The following ZNF500 variants were observed in gnomAD, a reference collection of about 807,000 sequenced individuals.
The protein encoded by ZNF500 is zinc finger protein with KRAB and SCAN domains 18.
ZNF500 carries 31 observed loss-of-function variants against 30.1 expected under a neutral mutation model. The observed-to-expected ratio is 1.03, with a 90% confidence interval of 0.77 to 1.39. ZNF500 has a LOEUF of 1.39. Among genes scored for constraint, ZNF500 ranks in the 40% most tolerant of loss-of-function variants. ZNF500 has a pLI of 0.00. For missense variants in ZNF500, 817 were observed against 657.8 expected (o/e 1.24, Z -2.65); for synonymous variants, 392 against 282.0 (o/e 1.39, Z -3.91).
rs1193047911 is a variant in ZNF500, at chr16:4,749,986, G to A, written c.*2390C>T. 1 of 152,540 alleles carries A rather than the reference G, an allele frequency of 6.6e-6. No individual in the cohort carries two copies. The highest frequency in any genetic ancestry group is 2.4e-5 in the African/African-American group (1 of 41,430). 9.4% of individuals were successfully genotyped at this position (152,540 alleles called of 1,614,324 possible). A position where few individuals can be genotyped will look rare whatever the true frequency, so the allele number is the denominator to read the frequency against. On this transcript the variant is annotated 3_prime_UTR_variant, in exon 6 of 6. Transcript: ENST00000219478. ...GCCAAGCAGCAGGCAGCGACCATGA[G>A]ATGGGGCCAAGCAGCAGCCAGTGGG...
chr16:4,754,874 A>G (rs2082120595), intron 5 of ZNF500, among the ~76,000 whole-genome samples: 1 of 152,068 alleles, frequency 6.6e-6, no homozygotes, highest in African/African-American at 2.4e-5. Context: ...TCATGGAGGC[A>G]GATTTCTCAT....
rs76981748 is a variant in ZNF500 at position 4,754,141 on chromosome 16, A to G, written c.761-1083T>C. Reference sequence around the variant, plus strand: ...GGGCTGGGGGAGCAGCCGTCTTCATAGCAGTCCCGCAAGAGGCTCTGCGCA... The same window carrying G: ...GGGCTGGGGGAGCAGCCGTCTTCATGGCAGTCCCGCAAGAGGCTCTGCGCA... On this transcript the variant is annotated intron_variant, in intron 5 of 5. Transcript: ENST00000219478. Among the ~76,000 whole-genome samples the G allele has an allele frequency of 7.1e-3, 1,083 of 152,306 alleles. 16 individuals are homozygous for G. The highest frequency in any genetic ancestry group is 0.025 in the African/African-American group (1,020 of 41,576).
intron 5 of ZNF500, among the ~76,000 whole-genome samples, chr16:4,753,818 T>G (rs1423207139): frequency 6.6e-6 from 1 of 152,208 alleles, no homozygotes; most frequent in East Asian, 1.9e-4. Flanking sequence ...CTGGCCCAAA[T>G]GCCAGCAGCA....
rs71139657 is a variant in ZNF500 at position 4,761,478 on chromosome 16, TACACACACACACACACACACAC to T, written c.663+771_663+792del. Among the ~76,000 whole-genome samples, 604 of 129,824 alleles carry T rather than the reference TACACACACACACACACACACAC, an allele frequency of 4.7e-3. 6 individuals are homozygous for T. Among genetic ancestry groups the T allele is most frequent in the South Asian group, 7.3e-3 (28 of 3,818 alleles). The allele number at this position is 129,824 out of a possible 152,430, so 85.2% of individuals were successfully genotyped here. A position where few individuals can be genotyped will look rare whatever the true frequency, so the allele number is the denominator to read the frequency against. ...ACAAAACAAAACAAATACACATACATACACACACACACACACACACACACACACACACACACACACACACACA... is the reference window on the plus strand; with the variant it reads ...ACAAAACAAAACAAATACACATACATACACACACACACACACACACACACA... On this transcript the variant is annotated intron_variant, in intron 4 of 5. Transcript: ENST00000219478.
intron 2 of ZNF500, among the ~76,000 whole-genome samples, chr16:4,764,324 G>C (rs536396003): frequency 2.6e-5 from 4 of 152,088 alleles, no homozygotes; most frequent in Admixed American, 6.5e-5. Flanking sequence ...CCAGGAGTTT[G>C]AGACCAGCCT....
rs1229756800 is a variant in ZNF500 at position 4,751,012 on chromosome 16, G to A, written c.*1364C>T. ...CCTGGAACCTGGGCTGTGCCAAAAG[G>A]TCAAATGTGCACGTATATACAGTGA... On this transcript the variant is annotated 3_prime_UTR_variant, in exon 6 of 6. Coordinates refer to ENST00000219478, the MANE Select transcript of ZNF500 (RefSeq NM_021646.4). 1 of 152,358 alleles carries A rather than the reference G, an allele frequency of 6.6e-6. No individual in the cohort carries two copies. The highest frequency in any genetic ancestry group is 1.5e-5 in the Non-Finnish European group (1 of 68,240). The allele number at this position is 152,358 out of a possible 1,614,324, so 9.4% of individuals were successfully genotyped here.
rs2082260429 is a variant in ZNF500, at chr16:4,765,913, G to C, written c.66C>G (p.Ile22Met). ...AGTCCTCCTCCACCTTCACAATCAG[G>C]ATCTCTTCCTGTTCCAGGTCCTGCT... is the stretch of plus-strand genomic sequence containing the variant. Reference protein sequence around the residue: ...TLEQDLEQEEILIVKVEEDFC... With the variant: ...TLEQDLEQEEMLIVKVEEDFC... Residue 22 changes from isoleucine to methionine, a missense_variant, in exon 2 of 6, where the codon ATC (isoleucine) becomes ATG (methionine). Transcript: ENST00000219478. 3 of 1,611,264 alleles carry C rather than the reference G, an allele frequency of 1.9e-6. No individual in the cohort carries two copies. The highest frequency in any genetic ancestry group is 2.5e-6 in the Non-Finnish European group (3 of 1,179,032).
intron 5 of ZNF500, among the ~76,000 whole-genome samples, chr16:4,757,405 C>A (rs1316046744): frequency 1.3e-5 from 2 of 151,862 alleles, no homozygotes; most frequent in South Asian, 4.2e-4. Context: ...CTTGACCCCC[C>A]AAGCTCAAGT....
downstream of ZNF500, chr16:4,746,861 G>A: frequency 7.1e-7 from 1 of 1,407,236 alleles, no homozygotes; most frequent in South Asian, 1.4e-5. Flanking sequence ...AGTGCTTCAA[G>A]CCCCAACAAG....
Position 4,751,816 on chromosome 16 carries a change from G to A in ZNF500, c.*560C>T, listed in dbSNP as rs2082080722. ...CCAGCTACTCAGGAGGATGAGGCAG[G>A]AGGAACACTTGAGCCCAGGGATTCG... On this transcript the variant is annotated 3_prime_UTR_variant, in exon 6 of 6. Coordinates refer to ENST00000219478, the MANE Select transcript of ZNF500 (RefSeq NM_021646.4). 1 of 607,222 alleles carries A rather than the reference G, an allele frequency of 1.6e-6. No homozygotes were observed. The highest frequency in any genetic ancestry group is 2.8e-6 in the Non-Finnish European group (1 of 351,582). The allele number at this position is 607,222 out of a possible 1,614,324, so 37.6% of individuals were successfully genotyped here.
rs770958017 is a variant in ZNF500, at chr16:4,752,921, C to T, written c.898G>A (p.Gly300Ser). The part of the protein sequence containing the change: ...LPGQRPAPVR[G>S]LVRPDQPRGG... ...CTTGGCTGATCAGGCCTGACCAAGC[C>T]CCTGACTGGGGCTGGCCTCTGACCT... The change falls in exon 6 of 6, where the codon GGC (glycine) becomes AGC (serine). Residue 300 changes from glycine to serine, a missense_variant. Coordinates refer to ENST00000219478, the MANE Select transcript of ZNF500 (RefSeq NM_021646.4). 6.8e-6 allele frequency: 11 copies of T among 1,613,606 alleles called. No individual in the cohort carries two copies. The African/African-American group carries it at 1.2e-4, about 18-fold the overall frequency.
Position 4,760,559 on chromosome 16 carries a change from T to A in ZNF500, c.693A>T (p.Val231=). The A allele has an allele frequency of 6.2e-7, 1 of 1,613,580 alleles. No individual in the cohort carries two copies. Among genetic ancestry groups the A allele is most frequent in the Non-Finnish European group, 8.5e-7 (1 of 1,179,752 alleles). The stretch of plus-strand genomic sequence containing the variant: ...ATCTTGGCTCCTCCCCAGAAAGGTA[T>A]ACAGCCACGTCCTCCAAGTTCACGG... ...QVPVNLEDVA[V]YLSGEEPRCM... The change falls in exon 5 of 6, where the codon GTA becomes GTT. Residue 231 remains valine (V), a synonymous_variant. Transcript: ENST00000219478.
At chr16:4,746,214 G>C (rs1250428954), downstream of ZNF500, 4 of 743,330 alleles carry the variant, frequency 5.4e-6, no homozygotes, top group African/African-American at 1.8e-5. Flanking sequence ...CTCGCATGCT[G>C]TTCTGAAGAG....
downstream of ZNF500, chr16:4,746,960 G>T: frequency 6.4e-7 from 1 of 1,555,108 alleles, no homozygotes; most frequent in Middle Eastern, 1.7e-4. Flanking sequence ...GTGAGGAGGA[G>T]GAGGAGGAAG....
rs2082220155 is a variant in ZNF500 at position 4,762,719 on chromosome 16, C to T, written c.452G>A (p.Gly151Glu). ...GTGTTTTAAGAACTGTCCCCCTATC[C>T]CGAGGGGCACCTCGTCATCAGAAAG... The part of the protein sequence containing the change: ...ELLSDDEVPL[G>E]IGGQFLKHQA... The change falls in exon 3 of 6, where the codon GGG (glycine) becomes GAG (glutamate). Residue 151 changes from glycine to glutamate, a missense_variant. Gly to Glu is a moderately conservative substitution (Grantham distance 98, BLOSUM62 -2). Transcript: ENST00000219478. 1 of 1,612,886 alleles carries T rather than the reference C, an allele frequency of 6.2e-7. No individual in the cohort carries two copies. The highest frequency in any genetic ancestry group is 8.5e-7 in the Non-Finnish European group (1 of 1,179,328).
intron 5 of ZNF500, among the ~76,000 whole-genome samples, chr16:4,755,116 C>T (rs1391048495): frequency 6.6e-6 from 1 of 152,068 alleles, no homozygotes; most frequent in South Asian, 2.1e-4. Context: ...CCAATTAAAC[C>T]TTTTTTCTTT....
At chr16:4,747,534 G>C (rs201318907), downstream of ZNF500, 2 of 1,612,826 alleles carry the variant, frequency 1.2e-6, no homozygotes, top group Non-Finnish European at 8.5e-7. Context: ...GCCCAGGCTC[G>C]ACTCCCAAGA....
At chr16:4,744,837 CCA>C, downstream of ZNF500, 1 of 1,599,002 alleles carries the variant, frequency 6.3e-7, no homozygotes, top group African/African-American at 1.3e-5. Flanking sequence ...GGCCAAGTCC[CCA>C]CTAATCAGCC....
At chr16:4,764,833 T>C (rs1348915244) in intron 2 of ZNF500, among the ~76,000 whole-genome samples, 2 of 151,624 alleles carry the variant, frequency 1.3e-5, no homozygotes, top group Non-Finnish European at 2.9e-5. Flanking sequence ...TAGCTATAAT[T>C]TAAAAAGCTA....
Sources: allele counts gnomAD v4.1 joint callset (sites outside exome capture counted in the v4.1 genomes callset), GRCh38; gene constraint gnomAD v4.1.1; transcripts MANE v1.5; gene names NCBI Gene and HGNC (gene_info 2026-07-23, HGNC 2026-07-21).